CABIN1: variants seen among roughly 807,000 people sequenced by gnomAD.
CABIN1 encodes the protein calcineurin-binding protein cabin-1.
A neutral mutation model predicts 227.7 loss-of-function variants in CABIN1; 133 were observed. The ratio of observed to expected loss-of-function variants is 0.58; its 90% CI spans 0.51 to 0.67. The LOEUF is 0.67. Among genes scored for constraint, CABIN1 ranks in the 30% least tolerant of loss-of-function variants. CABIN1 has a pLI of 0.00. For synonymous variants in CABIN1, 1,086 were observed against 1,155.1 expected, an observed-to-expected ratio of 0.94 and a Z score of 1.21; for missense variants, 2,408 against 2,852.5, an observed-to-expected ratio of 0.84 and a Z score of 3.55.
At chr22:24,033,219 ACTTC>A (rs1353205396) in intron 1 of CABIN1, among the ~76,000 whole-genome samples, 1 of 152,242 alleles carries the variant, frequency 6.6e-6, no homozygotes, top group African/African-American at 2.4e-5. Flanking sequence ...GTGAGAAAGT[ACTTC>A]CTTCCTTGCA....
At position 24,098,751 on chromosome 22, in the gene CABIN1, T is replaced by C. The variant is rs555526269; in HGVS notation, c.4117+559T>C. 2.8e-4 allele frequency among the ~76,000 whole-genome samples: 43 copies of C among 152,370 alleles called. 3 individuals carry two copies. In the South Asian group the frequency reaches 8.9e-3, roughly 32 times the overall value. On this transcript the variant is annotated intron_variant, in intron 26 of 36. Transcript: ENST00000263119. ...GGTGGCGACTGTTCAACCACATTCC[T>C]TACTAACATTAGGAGGCTTGCATGC...
chr22:24,105,514 CT>C (rs1204803421), intron 26 of CABIN1, among the ~76,000 whole-genome samples: 3 of 152,198 alleles, frequency 2.0e-5, no homozygotes, highest in Non-Finnish European at 2.9e-5. Context: ...TAGTGCCATT[CT>C]TCTTTCCTGT....
intron 22 of CABIN1, among the ~76,000 whole-genome samples, chr22:24,086,075 G>A (rs1224511855): frequency 6.6e-6 from 1 of 152,212 alleles, no homozygotes; most frequent in African/African-American, 2.4e-5. Flanking sequence ...TGTAGATTGT[G>A]TGAAAGGTTC....
Position 24,177,734 on chromosome 22 carries a change from C to A in CABIN1, c.6436C>A (p.Pro2146Thr). The A allele has an allele frequency of 6.2e-7, 1 of 1,612,694 alleles. No homozygotes were observed. The highest frequency in any genetic ancestry group is 8.5e-7 in the Non-Finnish European group (1 of 1,178,992). ...CCCCTCCGCCGCCACCAAGTTCCCC[C>A]CTGAGATCACCGTCACGCCACCCAC... is the stretch of plus-strand genomic sequence containing the variant. ...VIPSAATKFP[P>T]EITVTPPTPT... Residue 2146 changes from proline to threonine, a missense_variant, in exon 36 of 37, where the codon CCT becomes ACT. Physicochemically the swap from Pro to Thr is conservative, Grantham distance 38. This residue lies in a region of CABIN1 where 714 missense variants were observed against 773.8 expected (regional missense o/e 0.92). Coordinates refer to ENST00000263119, the MANE Select transcript of CABIN1 (RefSeq NM_012295.4). This position sits in a 1 kb window ranked among gnomAD's most constrained non-coding sequence, Gnocchi z 4.4.
chr22:24,063,909 A>G, intron 14 of CABIN1, 126 bp from the exon 15 acceptor site: 4 of 1,077,156 alleles, frequency 3.7e-6, no homozygotes, highest in Non-Finnish European at 5.7e-6. Context: ...AGGGGGGTAC[A>G]GTGTAATTGG....
In CABIN1 at chr22:24,132,084, A is replaced by G. The variant is rs2044110778; in HGVS notation, c.4633-2218A>G. ...CTCCAAAAAAAAAAAAAAAAAATAC[A>G]GTGTCCTACATCACCTTCTTGAGTC... On this transcript the variant is annotated intron_variant, in intron 28 of 36. Coordinates refer to ENST00000263119, the MANE Select transcript of CABIN1 (RefSeq NM_012295.4). 2.0e-5 allele frequency among the ~76,000 whole-genome samples: 3 copies of G among 151,006 alleles called. No homozygotes were observed. In the South Asian group the frequency reaches 6.2e-4, roughly 31 times the overall value.
intron 26 of CABIN1, among the ~76,000 whole-genome samples, chr22:24,107,703 G>T (rs1308663570): frequency 6.6e-6 from 1 of 152,144 alleles, no homozygotes; most frequent in East Asian, 1.9e-4. Context: ...ATATCTACTT[G>T]CCTAAACCAA....
chr22:24,142,867 T>C (rs1446154422), intron 29 of CABIN1, among the ~76,000 whole-genome samples: 2 of 152,166 alleles, frequency 1.3e-5, no homozygotes, highest in African/African-American at 2.4e-5. Context: ...TGGTTTGTAA[T>C]AGCCTCACTC....
Position 24,177,713 on chromosome 22 carries a change from T to A in CABIN1, c.6415T>A (p.Ser2139Thr). The A allele has an allele frequency of 6.2e-7, 1 of 1,612,818 alleles. No individual in the cohort carries two copies. The highest frequency in any genetic ancestry group is 8.5e-7 in the Non-Finnish European group (1 of 1,179,226). Residue 2139 changes from serine (S) to threonine (T), a missense_variant, in exon 36 of 37, where the codon TCC becomes ACC. By Grantham distance (58) the Ser-to-Thr change is moderately conservative (BLOSUM62 1). Around this residue, in one of 3 missense-constraint regions of CABIN1, gnomAD observed 714 missense variants for 773.8 expected, o/e 0.92. Coordinates refer to ENST00000263119, the MANE Select transcript of CABIN1 (RefSeq NM_012295.4). The surrounding 1 kb of genome is among the most constrained non-coding windows in gnomAD (Gnocchi z 4.4). ...LPNMPKLVIPSAATKFPPEIT... is the reference protein window; with the variant it reads ...LPNMPKLVIPTAATKFPPEIT... ...CAACATGCCAAAGCTGGTCATCCCC[T>A]CCGCCGCCACCAAGTTCCCCCCTGA...
chr22:24,041,330 G>A (rs2037356242), intron 5 of CABIN1, 57 bp downstream of exon 5: 2 of 1,610,396 alleles, frequency 1.2e-6, no homozygotes, highest in African/African-American at 1.3e-5. Context: ...TGGTGGAGGG[G>A]ATGAGGTTGC....
rs186675133 is a variant in CABIN1 at position 24,089,648 on chromosome 22, C to T, written c.3525+1935C>T. On this transcript the variant is annotated intron_variant, in intron 23 of 36. Transcript: ENST00000263119. ...CAGCTTCCAACCCTGAAATGTGTCA[C>T]GAGGACACAGTCCCCTGATTGCTAC... Among the ~76,000 whole-genome samples the T allele has an allele frequency of 1.9e-3, 294 of 152,308 alleles. 3 individuals are homozygous for T. The highest frequency in any genetic ancestry group is 3.4e-3 in the Non-Finnish European group (234 of 68,024).
chr22:24,041,122 T>A lies in CABIN1; in HGVS notation c.211-17T>A. ...CTTCAAGGTCTAGTTGTCACTTCTG[T>A]TCTGTTTTGTTCACAGGCAGTTTCA... On this transcript the variant is annotated splice_polypyrimidine_tract_variant and intron_variant, in intron 4 of 36. Coordinates refer to ENST00000263119, the MANE Select transcript of CABIN1 (RefSeq NM_012295.4). The A allele has an allele frequency of 6.2e-7, 1 of 1,614,136 alleles. No individual in the cohort carries two copies. The highest frequency in any genetic ancestry group is 8.5e-7 in the Non-Finnish European group (1 of 1,179,984).
chr22:24,139,587 G>A (rs888994065), intron 29 of CABIN1, among the ~76,000 whole-genome samples: 3 of 152,010 alleles, frequency 2.0e-5, no homozygotes, highest in Non-Finnish European at 4.4e-5. Flanking sequence ...AAAAGTGTGC[G>A]TGTGTGCTTT....
chr22:24,019,280 G>A (rs1272762920), intron 1 of CABIN1, among the ~76,000 whole-genome samples: 3 of 151,784 alleles, frequency 2.0e-5, no homozygotes, highest in Non-Finnish European at 4.4e-5. Flanking sequence ...ACAGGCATGC[G>A]CCACCATGCC....
At chr22:24,031,400 C>CA (rs2036485479) in intron 1 of CABIN1, among the ~76,000 whole-genome samples, 1 of 152,194 alleles carries the variant, frequency 6.6e-6, no homozygotes, top group African/African-American at 2.4e-5. Flanking sequence ...TATACAAGGA[C>CA]ACCAAGGGTT....
At chr22:24,104,307 G>A (rs992755643) in intron 26 of CABIN1, among the ~76,000 whole-genome samples, 1 of 152,208 alleles carries the variant, frequency 6.6e-6, no homozygotes, top group East Asian at 1.9e-4. Context: ...ATCAAGAGGG[G>A]CTGTTCACCT....
chr22:24,031,568 G>A (rs1036911734), intron 1 of CABIN1, among the ~76,000 whole-genome samples: 3 of 152,130 alleles, frequency 2.0e-5, no homozygotes, highest in Admixed American at 6.5e-5. Flanking sequence ...AAAAAAAATC[G>A]ACCAATGGGT....
In CABIN1 at chr22:24,166,959, A is replaced by G. The variant is rs2046483305; in HGVS notation, c.5328A>G (p.Thr1776=). 1 of 1,592,188 alleles carries G rather than the reference A, an allele frequency of 6.3e-7. No homozygotes were observed. Among genetic ancestry groups the G allele is most frequent in the African/African-American group, 1.3e-5 (1 of 74,426 alleles). ...TTTGCCACTCAGACTTGGAGCGGAC[A>G]CCACCCCTGCTGCCAGGTCGCCCCG... ...ATVCHSDLER[T]PPLLPGRPAR... The change falls in exon 32 of 37, where the codon ACA becomes ACG. Residue 1776 remains threonine, a synonymous_variant. Coordinates refer to ENST00000263119, the MANE Select transcript of CABIN1 (RefSeq NM_012295.4).
At position 24,150,167 on chromosome 22, in the gene CABIN1, G is replaced by A. The variant is rs370770874; in HGVS notation, c.4747-14233G>A. ...GGGCTCCAACTGCTGGGAGCCCACC[G>A]CCCTTAGCTTTACTTTTTGTGAGGC... is the stretch of plus-strand genomic sequence containing the variant. On this transcript the variant is annotated intron_variant, in intron 29 of 36. Transcript: ENST00000263119. Among the ~76,000 whole-genome samples, 9 of 152,332 alleles carry A rather than the reference G, an allele frequency of 5.9e-5. No individual in the cohort carries two copies. The East Asian group carries it at 1.5e-3, about 26-fold the overall frequency.
Sources: allele counts gnomAD v4.1 joint callset (sites outside exome capture counted in the v4.1 genomes callset), GRCh38; gene constraint gnomAD v4.1.1; regional missense constraint gnomAD v4.1.1; non-coding constraint Gnocchi (gnomAD v3.1); transcripts MANE v1.5; gene names NCBI Gene and HGNC (gene_info 2026-07-23, HGNC 2026-07-21).